Variants in STRAP observed in about 807,000 individuals in gnomAD.
STRAP encodes serine/threonine kinase receptor associated protein, also known as serine-threonine kinase receptor-associated protein.
A neutral mutation model predicts 47.0 loss-of-function variants in STRAP; 16 were observed. The ratio of observed to expected loss-of-function variants is 0.34; its 90% CI spans 0.23 to 0.52. The LOEUF is 0.52. Among genes scored for constraint, STRAP ranks in the 20% least tolerant of loss-of-function variants. The pLI is 0.96. For missense variants in STRAP, 293 were observed against 420.0 expected (o/e 0.70, Z 2.64); for synonymous variants, 130 against 142.7 (o/e 0.91, Z 0.63).
chr12:15,892,142 A>G (rs1948021186), intron 4 of STRAP, among the ~76,000 whole-genome samples: 1 of 152,166 alleles, frequency 6.6e-6, no homozygotes, highest in Admixed American at 6.5e-5. Context: ...GCTATTGAAT[A>G]CCATTTTAAT....
intron 4 of STRAP, among the ~76,000 whole-genome samples, chr12:15,893,574 ACAATAATGCTT>A (rs1948035634): frequency 6.8e-6 from 1 of 147,442 alleles, no homozygotes; most frequent in African/African-American, 2.5e-5. Flanking sequence ...ATACAATTAT[ACAATAATGCTT>A]TTATATTATA....
In STRAP at chr12:15,890,885, C is replaced by T. The variant is rs909984296; in HGVS notation, c.403+216C>T. On this transcript the variant is annotated intron_variant, in intron 4 of 9. Transcript: ENST00000419869. The surrounding 1 kb of genome is among the most constrained non-coding windows in gnomAD (Gnocchi z 4.5). ...GACCAGCCTGGCCAACATGGCAAAA[C>T]CCCGTCTCTATTAAAAATAGAAAAA... is the stretch of plus-strand genomic sequence containing the variant. 7.2e-5 allele frequency among the ~76,000 whole-genome samples: 11 copies of T among 151,968 alleles called. No homozygotes were observed. Among genetic ancestry groups the T allele is most frequent in the Non-Finnish European group, 1.6e-4 (11 of 68,016 alleles).
chr12:15,896,187 T>C lies in STRAP; in HGVS notation c.638+691T>C, dbSNP rs1373550036. Among the ~76,000 whole-genome samples, 1 of 152,070 alleles carries C rather than the reference T, an allele frequency of 6.6e-6. No homozygotes were observed. The highest frequency in any genetic ancestry group is 1.5e-5 in the Non-Finnish European group (1 of 68,010). Reference sequence around the variant, plus strand: ...AGGTGGAGGTTGTTTTGAGCTGTGGTCACACCACTGCATTCCAGCCTGGGT... The same window carrying C: ...AGGTGGAGGTTGTTTTGAGCTGTGGCCACACCACTGCATTCCAGCCTGGGT... On this transcript the variant is annotated intron_variant, in intron 6 of 9. Coordinates refer to ENST00000419869, the MANE Select transcript of STRAP (RefSeq NM_007178.4). The surrounding 1 kb of genome is among the most constrained non-coding windows in gnomAD (Gnocchi z 4.1).
Position 15,890,639 on chromosome 12 carries a change from C to T in STRAP, c.373C>T (p.Arg125Cys), listed in dbSNP as rs999690976. ...LLTGGQDKLL[R>C]IYDLNKPEAE... ...AACCGGGGGACAGGATAAACTGTTA[C>T]GCATATATGACTTGAACAAACCTGA... The change falls in exon 4 of 10, where the codon CGC becomes TGC. Residue 125 changes from arginine (R) to cysteine (C), a missense_variant. Physicochemically the swap from Arg to Cys is radical, Grantham distance 180. Around this residue, in one of 5 missense-constraint regions of STRAP, gnomAD observed 152 missense variants for 183.0 expected, o/e 0.83. Coordinates refer to ENST00000419869, the MANE Select transcript of STRAP (RefSeq NM_007178.4). This position sits in a 1 kb window ranked among gnomAD's most constrained non-coding sequence, Gnocchi z 4.5. 1.2e-5 allele frequency: 19 copies of T among 1,610,742 alleles called. No homozygotes were observed. Among genetic ancestry groups the T allele is most frequent in the East Asian group, 2.2e-5 (1 of 44,616 alleles).
In STRAP at chr12:15,899,440, TAG is replaced by T. The variant is rs1250325665; in HGVS notation, c.776-463_776-462del. Among the ~76,000 whole-genome samples the T allele has an allele frequency of 1.2e-3, 183 of 152,326 alleles. 1 individual carries two copies. The highest frequency in any genetic ancestry group is 4.2e-3 in the African/African-American group (174 of 41,584). On this transcript the variant is annotated intron_variant, in intron 7 of 9. Coordinates refer to ENST00000419869, the MANE Select transcript of STRAP (RefSeq NM_007178.4). ...TCACCTTTCTGTGTGACAGAATAAT[TAG>T]TGGACTGTAGGAAATTAAGAGGCAA... is the stretch of plus-strand genomic sequence containing the variant.
At position 15,887,893 on chromosome 12, in the gene STRAP, C is replaced by T. The variant is rs1032682752; in HGVS notation, c.249-2035C>T. Among the ~76,000 whole-genome samples, 1 of 151,652 alleles carries T rather than the reference C, an allele frequency of 6.6e-6. No individual in the cohort carries two copies. Among genetic ancestry groups the T allele is most frequent in the East Asian group, 1.9e-4 (1 of 5,182 alleles). ...GATTATTTAATAAACTTGAAATTAGCATATCAAAGGACATTGCCCGGGTTT... is the reference window on the plus strand; with the variant it reads ...GATTATTTAATAAACTTGAAATTAGTATATCAAAGGACATTGCCCGGGTTT... On this transcript the variant is annotated intron_variant, in intron 2 of 9. Coordinates refer to ENST00000419869, the MANE Select transcript of STRAP (RefSeq NM_007178.4). The surrounding 1 kb of genome is among the most constrained non-coding windows in gnomAD (Gnocchi z 5.5).
At chr12:15,885,208 A>C (rs1188298108) in intron 2 of STRAP, among the ~76,000 whole-genome samples, 1 of 132,616 alleles carries the variant, frequency 7.5e-6, no homozygotes, top group African/African-American at 3.6e-5. Flanking sequence ...TTTTTTTTAA[A>C]GACAGAGTCT....
At chr12:15,883,779 G>A in intron 2 of STRAP, 103 bp downstream of exon 2, 1 of 1,450,320 alleles carries the variant, frequency 6.9e-7, no homozygotes. Context: ...TGACTCACTG[G>A]CTGCCATACA....
In STRAP at chr12:15,890,276, A is replaced by G. The variant is rs57818777; in HGVS notation, c.330+267A>G. Among the ~76,000 whole-genome samples the G allele has an allele frequency of 0.033, 5,085 of 152,272 alleles. 253 individuals carry two copies. The highest frequency in any genetic ancestry group is 0.11 in the African/African-American group (4,599 of 41,524). On this transcript the variant is annotated intron_variant, in intron 3 of 9. Coordinates refer to ENST00000419869, the MANE Select transcript of STRAP (RefSeq NM_007178.4). This position sits in a 1 kb window ranked among gnomAD's most constrained non-coding sequence, Gnocchi z 4.5. ...TGAAAAGCTCAAGTAGCCTTCCCCA[A>G]CTACTAATAGAAGGGAGAAGATAAA...
At position 15,903,208 on chromosome 12, in the gene STRAP, G is replaced by A. The variant is rs576397120; in HGVS notation, c.*230G>A. The A allele has an allele frequency of 1.6e-4, 58 of 361,902 alleles. No individual in the cohort carries two copies. The South Asian group carries it at 6.3e-3, about 39-fold the overall frequency. The allele number at this position is 361,902 out of a possible 1,614,324, so 22.4% of individuals were successfully genotyped here. A position where few individuals can be genotyped will look rare whatever the true frequency, so the allele number is the denominator to read the frequency against. ...TTATCCTCTTATAGTACAGTGGCCTGTTATCTTTTTAATGAATATATACAA... is the reference window on the plus strand; with the variant it reads ...TTATCCTCTTATAGTACAGTGGCCTATTATCTTTTTAATGAATATATACAA... On this transcript the variant is annotated 3_prime_UTR_variant, in exon 10 of 10. Coordinates refer to ENST00000419869, the MANE Select transcript of STRAP (RefSeq NM_007178.4).
In STRAP at chr12:15,882,429, G is replaced by C; in HGVS notation, c.-279G>C. On this transcript the variant is annotated 5_prime_UTR_variant, in exon 1 of 10. Transcript: ENST00000419869. ...GATGCCGGTGTGGACGCTGTGAATC[G>C]TGGCTGGCCCGGTTCTCCGCTTCTC... is the stretch of plus-strand genomic sequence containing the variant. The C allele has an allele frequency of 4.1e-6, 2 of 492,548 alleles. No individual in the cohort carries two copies. The highest frequency in any genetic ancestry group is 7.3e-6 in the Non-Finnish European group (2 of 273,068). The allele number at this position is 492,548 out of a possible 1,614,324, so 30.5% of individuals were successfully genotyped here.
rs749702060 is a variant in STRAP at position 15,885,180 on chromosome 12, GTTTTTTTT to G, written c.248+1522_248+1529del. 4.1e-4 allele frequency among the ~76,000 whole-genome samples: 41 copies of G among 99,592 alleles called. 1 individual carries two copies. The highest frequency in any genetic ancestry group is 1.7e-3 in the African/African-American group (39 of 23,338). 65.3% of individuals were successfully genotyped at this position (99,592 alleles called of 152,430 possible). On this transcript the variant is annotated intron_variant, in intron 2 of 9. Transcript: ENST00000419869. ...TAAGAGGCTAGAGAGTACAAGTGGT[GTTTTTTTT>G]TTTTTTTTTTTTTTTTTAAAGACAG...
chr12:15,882,956 A>G, intron 1 of STRAP, 137 bp downstream of exon 1: 1 of 1,349,362 alleles, frequency 7.4e-7, no homozygotes, highest in Non-Finnish European at 1.0e-6. Context: ...GAGAGCCAAC[A>G]CTGGTCCGGT....
intron 2 of STRAP, 112 bp from the exon 3 acceptor site, chr12:15,889,816 T>C: frequency 1.4e-6 from 1 of 735,828 alleles, no homozygotes; most frequent in Non-Finnish European, 2.2e-6. Flanking sequence ...TACATTTATG[T>C]AACATTTCAC....
At chr12:15,891,193 C>A (rs1173325385) in intron 4 of STRAP, among the ~76,000 whole-genome samples, 1 of 152,086 alleles carries the variant, frequency 6.6e-6, no homozygotes, top group East Asian at 1.9e-4. Flanking sequence ...TATTGTATAA[C>A]CTTCTTCCAA....
In STRAP at chr12:15,901,162, A is replaced by G. The variant is rs527433150; in HGVS notation, c.991+150A>G. 5 of 521,866 alleles carry G rather than the reference A, an allele frequency of 9.6e-6. No individual in the cohort carries two copies. The South Asian group carries it at 1.7e-4, about 18-fold the overall frequency. 32.3% of individuals were successfully genotyped at this position (521,866 alleles called of 1,614,324 possible). The stretch of plus-strand genomic sequence containing the variant: ...TAAATATTTATGCATGTATATATAC[A>G]TATTTATAAGCTAAATATTTAAATA... On this transcript the variant is annotated intron_variant, in intron 9 of 9. Transcript: ENST00000419869.
chr12:15,897,850 G>C (rs748023580), intron 6 of STRAP, 32 bp from the exon 7 acceptor site: 5 of 1,435,652 alleles, frequency 3.5e-6, no homozygotes, highest in Non-Finnish European at 4.6e-6. Flanking sequence ...CCATATTCAA[G>C]ATTTGTAAAT....
chr12:15,898,041 T>C, intron 7 of STRAP, 23 bp downstream of exon 7: 2 of 1,588,476 alleles, frequency 1.3e-6, no homozygotes, highest in East Asian at 2.3e-5. Flanking sequence ...CTTACAGTGA[T>C]GTGGTTACCT....
rs748186893 is a variant in STRAP, at chr12:15,901,019, G to C, written c.991+7G>C. The stretch of plus-strand genomic sequence containing the variant: ...ACAACAGAAGAGGAGCTAGGTAAAT[G>C]CTATGGAATTGACTTTTGTAAGAGT... On this transcript the variant is annotated splice_region_variant and intron_variant, in intron 9 of 9. Transcript: ENST00000419869. 2.5e-6 allele frequency: 4 copies of C among 1,580,170 alleles called. No homozygotes were observed. Among genetic ancestry groups the C allele is most frequent in the Non-Finnish European group, 3.4e-6 (4 of 1,163,980 alleles).
Sources: gnomAD v4.1 joint callset for allele counts (sites outside exome capture counted in the v4.1 genomes callset) on GRCh38, gnomAD v4.1.1 for gene constraint, gnomAD v4.1.1 regional missense constraint, Gnocchi (gnomAD v3.1) non-coding constraint, MANE v1.5 for transcripts, NCBI Gene and HGNC (gene_info 2026-07-23, HGNC 2026-07-21) for gene names.